The following INTS15 variants were observed in gnomAD, a reference collection of about 807,000 sequenced individuals.
INTS15 encodes uncharacterized protein C7orf26.
the INTS15 span, chr7:6,602,366 C>T: frequency 3.8e-3 from 2,009 of 523,700 alleles, 43 homozygotes; most frequent in African/African-American, 0.036. Flanking sequence ...CCCTGTATCA[C>T]CGAAAGCTCC....
At chr7:6,594,509 C>T in the INTS15 span, 1 of 1,614,150 alleles carries the variant, frequency 6.2e-7, no homozygotes, top group Non-Finnish European at 8.5e-7. Flanking sequence ...TGCCGGGATC[C>T]ATTCAGACGC....
chr7:6,597,742 T>C, the INTS15 span, among the ~76,000 whole-genome samples: 1 of 152,116 alleles, frequency 6.6e-6, no homozygotes, highest in Non-Finnish European at 1.5e-5. Context: ...GTTTTTCTCT[T>C]AAGCCAGTAT....
the INTS15 span, chr7:6,599,834 C>G: frequency 6.2e-7 from 1 of 1,612,168 alleles, no homozygotes; most frequent in Non-Finnish European, 8.5e-7. Flanking sequence ...TGCAGATGAC[C>G]TCATTCCACC....
the INTS15 span, chr7:6,608,268 C>T: frequency 1.4e-6 from 2 of 1,476,912 alleles, no homozygotes; most frequent in African/African-American, 1.4e-5. Flanking sequence ...CGGGCAGCCC[C>T]TCCCCGCCGG....
chr7:6,594,967 A>G, the INTS15 span, among the ~76,000 whole-genome samples: 2 of 151,926 alleles, frequency 1.3e-5, no homozygotes, highest in Non-Finnish European at 2.9e-5. Context: ...ATCTCAAGTG[A>G]TCCACCCGCC....
At chr7:6,604,082 CT>C in the INTS15 span, among the ~76,000 whole-genome samples, 4 of 152,070 alleles carry the variant, frequency 2.6e-5, no homozygotes, top group Non-Finnish European at 5.9e-5. Flanking sequence ...GTGTCAGCTG[CT>C]TTTTTTCTTT....
the INTS15 span, chr7:6,590,233 C>A: frequency 7.1e-7 from 1 of 1,412,088 alleles, no homozygotes; most frequent in Non-Finnish European, 9.2e-7. Context: ...CAGTCCCGGG[C>A]CCCGGGCGGA....
the INTS15 span, chr7:6,594,492 T>C: frequency 6.2e-7 from 1 of 1,614,176 alleles, no homozygotes; most frequent in Non-Finnish European, 8.5e-7. Context: ...TGACTACTGC[T>C]GTTTGGTGCC....
At chr7:6,604,914 G>A in the INTS15 span, among the ~76,000 whole-genome samples, 2 of 152,096 alleles carry the variant, frequency 1.3e-5, no homozygotes, top group African/African-American at 4.8e-5. Flanking sequence ...TGTCATGACA[G>A]CAGCACAGAC....
At chr7:6,592,728 C>A in the INTS15 span, among the ~76,000 whole-genome samples, 1 of 151,656 alleles carries the variant, frequency 6.6e-6, no homozygotes, top group Non-Finnish European at 1.5e-5. Flanking sequence ...CCTACCTCAG[C>A]CCTCCAAGTA....
At chr7:6,594,395 C>T in the INTS15 span, 155 of 1,609,550 alleles carry the variant, frequency 9.6e-5, no homozygotes, top group Middle Eastern at 6.7e-4. Context: ...TACTCACTCA[C>T]GACATCTGTA....
chr7:6,608,083 C>T, the INTS15 span: 7 of 1,542,812 alleles, frequency 4.5e-6, no homozygotes, highest in South Asian at 1.1e-5. Context: ...CCCACCCCGC[C>T]GCCCACCCCG....
the INTS15 span, among the ~76,000 whole-genome samples, chr7:6,595,036 A>AT: frequency 6.7e-6 from 1 of 148,174 alleles, no homozygotes; most frequent in Non-Finnish European, 1.5e-5. Context: ...CTGAGTTTTT[A>AT]TTTTTTATTT....
the INTS15 span, among the ~76,000 whole-genome samples, chr7:6,590,644 G>A: frequency 2.0e-5 from 3 of 152,206 alleles, no homozygotes; most frequent in Non-Finnish European, 4.4e-5. Flanking sequence ...GGGTCCTGCA[G>A]TGTTGCTCAG....
chr7:6,592,850 T>A, the INTS15 span, among the ~76,000 whole-genome samples: 1 of 152,118 alleles, frequency 6.6e-6, no homozygotes, highest in East Asian at 1.9e-4. Flanking sequence ...GGTCAAGCGA[T>A]CCTCCTGCCT....
chr7:6,605,545 G>C, the INTS15 span, among the ~76,000 whole-genome samples: 5 of 152,144 alleles, frequency 3.3e-5, no homozygotes, highest in African/African-American at 1.2e-4. Context: ...GCAGTCCCCT[G>C]CTGGTCCTGC....
chr7:6,604,248 T>C, the INTS15 span, among the ~76,000 whole-genome samples: 1 of 152,168 alleles, frequency 6.6e-6, no homozygotes, highest in Non-Finnish European at 1.5e-5. Context: ...GGCTGATTTT[T>C]GTATGCACAA....
At chr7:6,594,462 T>C in the INTS15 span, 2 of 1,613,986 alleles carry the variant, frequency 1.2e-6, no homozygotes, top group Admixed American at 1.7e-5. Context: ...CTGTGTGAGG[T>C]TAGCCAAGGC....
the INTS15 span, chr7:6,608,671 A>T: frequency 3.7e-6 from 1 of 270,722 alleles, no homozygotes; most frequent in Non-Finnish European, 5.7e-6. Flanking sequence ...TCTCAGTTTT[A>T]TTGGGGGTGT....
Sources: allele counts gnomAD v4.1 joint callset (sites outside exome capture counted in the v4.1 genomes callset), GRCh38; gene constraint gnomAD v4.1.1; transcripts MANE v1.5; gene names NCBI Gene and HGNC (gene_info 2026-07-23, HGNC 2026-07-21).